KCNAB3: variants seen among roughly 807,000 people sequenced by gnomAD.
KCNAB3 encodes voltage-gated potassium channel subunit beta-3.
KCNAB3 carries 62 observed loss-of-function variants against 67.7 expected under a neutral mutation model. The ratio of observed to expected loss-of-function variants is 0.92; its 90% CI spans 0.75 to 1.13. The LOEUF (loss-of-function observed/expected upper bound fraction) is 1.13, where lower values mean the gene tolerates loss of function less well. Ranked by LOEUF, KCNAB3 falls within the 50% of genes most tolerant of loss-of-function variation. The pLI, the probability that KCNAB3 is intolerant of heterozygous loss-of-function variation, is 0.00. For missense variants in KCNAB3, 514 were observed against 522.9 expected (o/e 0.98, Z 0.17); for synonymous variants, 212 against 205.4 (o/e 1.03, Z -0.27).
At chr17:7,924,329 T>C in intron 9 of KCNAB3, 64 bp from the exon 10 acceptor site, 2 of 1,610,936 alleles carry the variant, frequency 1.2e-6, no homozygotes, top group Admixed American at 1.7e-5. Flanking sequence ...CTCTGCCTTC[T>C]CCCCCAGTGC....
rs1369326134 is a variant in KCNAB3, at chr17:7,923,528, A to G, written c.1065T>C (p.Ser355=). Residue 355 remains serine (S), a synonymous_variant, in exon 13 of 14, where the codon AGT becomes AGC. Coordinates refer to ENST00000303790, the MANE Select transcript of KCNAB3 (RefSeq NM_004732.4). Reference sequence around the variant, plus strand: ...CCAGCAAGACAGAGCTGACACCCTCACTGCGGAGACACCACGCTGGGGCCA... The same window carrying G: ...CCAGCAAGACAGAGCTGACACCCTCGCTGCGGAGACACCACGCTGGGGCCA... ...AQLAIAWCLR[S]EGVSSVLLGV... 1.9e-6 allele frequency: 3 copies of G among 1,611,122 alleles called. No individual in the cohort carries two copies. In the South Asian group the frequency reaches 3.3e-5, roughly 18 times the overall value.
In KCNAB3 at chr17:7,929,100, G is replaced by C; in HGVS notation, c.242+94C>G. 1 of 1,530,708 alleles carries C rather than the reference G, an allele frequency of 6.5e-7. No individual in the cohort carries two copies. The highest frequency in any genetic ancestry group is 8.8e-7 in the Non-Finnish European group (1 of 1,140,782). The allele number at this position is 1,530,708 out of a possible 1,614,324, so 94.8% of individuals were successfully genotyped here. A position where few individuals can be genotyped will look rare whatever the true frequency, so the allele number is the denominator to read the frequency against. Reference sequence around the variant, plus strand: ...GATGGAAAGAAGGGAGACCTACTTAGTGAAGTTTGAAGGGGTCTTGGCGGC... The same window carrying C: ...GATGGAAAGAAGGGAGACCTACTTACTGAAGTTTGAAGGGGTCTTGGCGGC... On this transcript the variant is annotated intron_variant, in intron 1 of 13. Coordinates refer to ENST00000303790, the MANE Select transcript of KCNAB3 (RefSeq NM_004732.4). This position sits in a 1 kb window ranked among gnomAD's most constrained non-coding sequence, Gnocchi z 5.7.
In KCNAB3 at chr17:7,925,174, C is replaced by T. The variant is rs1429437414; in HGVS notation, c.548G>A (p.Gly183Glu). Residue 183 changes from glycine (G) to glutamate (E), a missense_variant, in exon 8 of 14, where the codon GGA (glycine) becomes GAA (glutamate). Coordinates refer to ENST00000303790, the MANE Select transcript of KCNAB3 (RefSeq NM_004732.4). ...SRKHIIEGLR[G>E]SLERLQLGYV... ...TCCCAGCTGGAGGCGTTCCAGGGATCCTCGCAAGCCTGGAGGTGGGGTAGG... is the reference window on the plus strand; with the variant it reads ...TCCCAGCTGGAGGCGTTCCAGGGATTCTCGCAAGCCTGGAGGTGGGGTAGG... 4 of 1,613,502 alleles carry T rather than the reference C, an allele frequency of 2.5e-6. No individual in the cohort carries two copies. In the South Asian group the frequency reaches 4.4e-5, roughly 18 times the overall value.
chr17:7,923,868 TCAC>T (rs752778287), intron 11 of KCNAB3, 37 bp from the exon 12 acceptor site: 145 of 1,546,586 alleles, frequency 9.4e-5, no homozygotes, highest in Middle Eastern at 3.4e-4. Context: ...GACCCCGCCA[TCAC>T]CACCACCACC....
chr17:7,929,044 A>G lies in KCNAB3; in HGVS notation c.242+150T>C. On this transcript the variant is annotated intron_variant, in intron 1 of 13. Transcript: ENST00000303790. This position sits in a 1 kb window ranked among gnomAD's most constrained non-coding sequence, Gnocchi z 5.7. ...ATCGACAGAAACCAAGAGAGGGACA[A>G]AGTGAGGGAGTGCCAGAGACAGAAA... The G allele has an allele frequency of 8.0e-7, 1 of 1,244,444 alleles. No individual in the cohort carries two copies. Among genetic ancestry groups the G allele is most frequent in the Non-Finnish European group, 1.1e-6 (1 of 911,432 alleles). The allele number at this position is 1,244,444 out of a possible 1,614,324, so 77.1% of individuals were successfully genotyped here.
chr17:7,923,460 A>C lies in KCNAB3; in HGVS notation c.1133T>G (p.Leu378Arg). The change falls in exon 13 of 14, where the codon CTA becomes CGA. Residue 378 changes from leucine (L) to arginine (R), a missense_variant. Leu to Arg is a moderately radical substitution (Grantham distance 102). Transcript: ENST00000303790. ...GCCTCTGAGTCCCCGGCTCACCTGT[A>C]GCGCGCCCAGGTGTTCTATCAACTG... ...AEQLIEHLGA[L>R]QVLSQLTPQT... 1.2e-6 allele frequency: 2 copies of C among 1,609,012 alleles called. No homozygotes were observed. Among genetic ancestry groups the C allele is most frequent in the Non-Finnish European group, 1.7e-6 (2 of 1,177,614 alleles).
rs1214585425 is a variant in KCNAB3 at position 7,923,954 on chromosome 17, C to A, written c.927+14G>T. On this transcript the variant is annotated intron_variant, in intron 11 of 13. Coordinates refer to ENST00000303790, the MANE Select transcript of KCNAB3 (RefSeq NM_004732.4). The stretch of plus-strand genomic sequence containing the variant: ...TATAGCCCAGTCCTGCCATCGAGAG[C>A]CCCCAGATCTCACCTTGATGGAGGC... 6.2e-6 allele frequency: 10 copies of A among 1,611,234 alleles called. No homozygotes were observed. The highest frequency in any genetic ancestry group is 8.5e-6 in the Non-Finnish European group (10 of 1,178,988).
Position 7,923,066 on chromosome 17 carries a change from A to G in KCNAB3, c.*36T>C. 1 of 1,601,582 alleles carries G rather than the reference A, an allele frequency of 6.2e-7. No individual in the cohort carries two copies. The highest frequency in any genetic ancestry group is 8.6e-7 in the Non-Finnish European group (1 of 1,168,886). Reference sequence around the variant, plus strand: ...CGAGGAGCGGGGCTCGGGCGGGTGCAGCGACACCGGGTTGGGTCCCTGCGC... The same window carrying G: ...CGAGGAGCGGGGCTCGGGCGGGTGCGGCGACACCGGGTTGGGTCCCTGCGC... On this transcript the variant is annotated 3_prime_UTR_variant, in exon 14 of 14. Coordinates refer to ENST00000303790, the MANE Select transcript of KCNAB3 (RefSeq NM_004732.4).
In KCNAB3 at chr17:7,929,807, C is replaced by T. The variant is rs1972366338; in HGVS notation, c.-372G>A. 2.9e-6 allele frequency: 3 copies of T among 1,039,406 alleles called. No individual in the cohort carries two copies. Among genetic ancestry groups the T allele is most frequent in the South Asian group, 3.3e-5 (1 of 30,208 alleles). The allele number at this position is 1,039,406 out of a possible 1,614,324, so 64.4% of individuals were successfully genotyped here. On this transcript the variant is annotated 5_prime_UTR_variant, in exon 1 of 14. Coordinates refer to ENST00000303790, the MANE Select transcript of KCNAB3 (RefSeq NM_004732.4). This position sits in a 1 kb window ranked among gnomAD's most constrained non-coding sequence, Gnocchi z 5.7. Reference sequence around the variant, plus strand: ...AGAGAGATGCCACTTCAGCGCGAACCGCTGCGGGACCCGCTGGGCTCCCAG... The same window carrying T: ...AGAGAGATGCCACTTCAGCGCGAACTGCTGCGGGACCCGCTGGGCTCCCAG...
chr17:7,926,777 G>A (rs1972246134), intron 4 of KCNAB3, among the ~76,000 whole-genome samples: 1 of 152,094 alleles, frequency 6.6e-6, no homozygotes, highest in Non-Finnish European at 1.5e-5. Flanking sequence ...GGCTCTGTGT[G>A]GGTACTTGGG....
chr17:7,927,256 G>C (rs887874714), intron 4 of KCNAB3, 88 bp downstream of exon 4: 11 of 1,262,322 alleles, frequency 8.7e-6, no homozygotes, highest in Middle Eastern at 5.1e-4. Flanking sequence ...AGAAGTCCCA[G>C]GGTTCTTTAG....
rs562021798 is a variant in KCNAB3 at position 7,927,891 on chromosome 17, C to T, written c.243-65G>A. ...ATTATGGACTTAGATTATCAGCCCCCAGCTCCTCTCCTTCCAGACTGAGAA... is the reference window on the plus strand; with the variant it reads ...ATTATGGACTTAGATTATCAGCCCCTAGCTCCTCTCCTTCCAGACTGAGAA... On this transcript the variant is annotated intron_variant, in intron 1 of 13. Coordinates refer to ENST00000303790, the MANE Select transcript of KCNAB3 (RefSeq NM_004732.4). 15 of 1,589,732 alleles carry T rather than the reference C, an allele frequency of 9.4e-6. No individual in the cohort carries two copies. The East Asian group carries it at 2.9e-4, about 31-fold the overall frequency.
At chr17:7,926,242 A>C in intron 4 of KCNAB3, 139 bp from the exon 5 acceptor site, 1 of 867,922 alleles carries the variant, frequency 1.2e-6, no homozygotes, top group Non-Finnish European at 1.8e-6. Flanking sequence ...CCTGGACAAA[A>C]TAAGAGGTCT....
At chr17:7,928,449 C>G (rs1972308513) in intron 1 of KCNAB3, 1 of 161,652 alleles carries the variant, frequency 6.2e-6, no homozygotes, top group South Asian at 1.7e-4. Context: ...CAGTGAGCCC[C>G]CTCATCCTCC....
In KCNAB3 at chr17:7,929,623, T is replaced by TGCG. The variant is rs1972360045; in HGVS notation, c.-191_-189dup. The TGCG allele has an allele frequency of 7.1e-7, 1 of 1,416,158 alleles. No homozygotes were observed. The highest frequency in any genetic ancestry group is 1.5e-5 in the South Asian group (1 of 66,006). 87.7% of individuals were successfully genotyped at this position (1,416,158 alleles called of 1,614,324 possible). A position where few individuals can be genotyped will look rare whatever the true frequency, so the allele number is the denominator to read the frequency against. The stretch of plus-strand genomic sequence containing the variant: ...GCGGGCTGCTGGAGGTCGCGAGGTT[T>TGCG]GCGGCGGGAGGGAAGAAACGTGGGG... On this transcript the variant is annotated 5_prime_UTR_variant, in exon 1 of 14. Coordinates refer to ENST00000303790, the MANE Select transcript of KCNAB3 (RefSeq NM_004732.4). The surrounding 1 kb of genome is among the most constrained non-coding windows in gnomAD (Gnocchi z 5.7).
Position 7,929,006 on chromosome 17 carries a change from C to T in KCNAB3, c.242+188G>A, listed in dbSNP as rs1479668218. 4 of 911,496 alleles carry T rather than the reference C, an allele frequency of 4.4e-6. No homozygotes were observed. In the East Asian group the frequency reaches 8.1e-5, roughly 18 times the overall value. 56.5% of individuals were successfully genotyped at this position (911,496 alleles called of 1,614,324 possible). A position where few individuals can be genotyped will look rare whatever the true frequency, so the allele number is the denominator to read the frequency against. On this transcript the variant is annotated intron_variant, in intron 1 of 13. Transcript: ENST00000303790. The surrounding 1 kb of genome is among the most constrained non-coding windows in gnomAD (Gnocchi z 5.7). ...AGTCAACCTTGGTAAACTTGATTCT[C>T]GTAGTCAGGGGTATCGACAGAAACC...
chr17:7,923,199 TGGCGACGGC>T lies in KCNAB3; in HGVS notation c.1138-29_1138-21del, dbSNP rs1972100566. 1.9e-6 allele frequency: 3 copies of T among 1,611,596 alleles called. No homozygotes were observed. Among genetic ancestry groups the T allele is most frequent in the Admixed American group, 1.7e-5 (1 of 59,998 alleles). ...CAGCACCTGGAGGAGAGTGGGACGG[TGGCGACGGC>T]AGCCCATGCTGGGTCACTGAGAAAG... On this transcript the variant is annotated intron_variant, in intron 13 of 13. Transcript: ENST00000303790.
intron 11 of KCNAB3, 47 bp downstream of exon 11, chr17:7,923,921 G>A (rs1417542538): frequency 1.3e-6 from 2 of 1,571,876 alleles, no homozygotes; most frequent in East Asian, 2.3e-5. Context: ...TCCCCCCAAA[G>A]CAGCCCATAT....
Position 7,929,796 on chromosome 17 carries a change from T to TTTTTTAATGATA in KCNAB3, c.-362_-361insTATCATTAAAAA. On this transcript the variant is annotated 5_prime_UTR_variant, in exon 1 of 14. Coordinates refer to ENST00000303790, the MANE Select transcript of KCNAB3 (RefSeq NM_004732.4). This position sits in a 1 kb window ranked among gnomAD's most constrained non-coding sequence, Gnocchi z 5.7. ...AGCGGGGCGGGAGAGAGATGCCACT[T>TTTTTTAATGATA]CAGCGCGAACCGCTGCGGGACCCGC... The TTTTTTAATGATA allele has an allele frequency of 1.8e-6, 2 of 1,129,030 alleles. No individual in the cohort carries two copies. The highest frequency in any genetic ancestry group is 2.2e-6 in the Non-Finnish European group (2 of 916,548). The allele number at this position is 1,129,030 out of a possible 1,614,324, so 69.9% of individuals were successfully genotyped here.
Sources: gnomAD v4.1 joint callset for allele counts (sites outside exome capture counted in the v4.1 genomes callset) on GRCh38, gnomAD v4.1.1 for gene constraint, Gnocchi (gnomAD v3.1) non-coding constraint, MANE v1.5 for transcripts, NCBI Gene and HGNC (gene_info 2026-07-23, HGNC 2026-07-21) for gene names.